Variants in RNF157 observed in about 807,000 individuals in gnomAD.
RNF157 encodes the protein E3 ubiquitin ligase RNF157.
Under a neutral mutation model 88.3 loss-of-function variants are expected in RNF157, and 55 were observed. That is an observed-to-expected ratio of 0.62 (90% confidence interval 0.50 to 0.78). The LOEUF (loss-of-function observed/expected upper bound fraction) is 0.78, where lower values mean the gene tolerates loss of function less well. Among genes scored for constraint, RNF157 ranks in the 30% least tolerant of loss-of-function variants. The pLI is 0.00. For missense variants in RNF157, 788 were observed against 860.8 expected (o/e 0.92, Z 1.06); for synonymous variants, 334 against 341.2 (o/e 0.98, Z 0.23).
chr17:76,145,931 T>C (rs2068578821), intron 18 of RNF157, among the ~76,000 whole-genome samples: 1 of 152,120 alleles, frequency 6.6e-6, no homozygotes, highest in South Asian at 2.1e-4. Context: ...CTCCTGCACC[T>C]ACGCAGCTGT....
intron 2 of RNF157, among the ~76,000 whole-genome samples, chr17:76,198,346 G>T (rs1287250413): frequency 6.6e-6 from 1 of 152,222 alleles, no homozygotes; most frequent in Non-Finnish European, 1.5e-5. Context: ...TGTGCTGGGG[G>T]AGGGGGGTTC....
At chr17:76,145,627 C>T (rs778052954) in intron 18 of RNF157, 9 of 384,800 alleles carry the variant, frequency 2.3e-5, no homozygotes, top group African/African-American at 1.4e-4. Context: ...CCTTGTTTTG[C>T]GAACTTACCC....
At chr17:76,159,643 T>G in intron 11 of RNF157, 70 bp from the exon 12 acceptor site, 1 of 1,099,872 alleles carries the variant, frequency 9.1e-7, no homozygotes, top group South Asian at 1.4e-5. Flanking sequence ...TCATGCTACT[T>G]CTCTACACTG....
intron 1 of RNF157, among the ~76,000 whole-genome samples, chr17:76,218,328 T>C (rs541980241): frequency 6.6e-6 from 1 of 152,246 alleles, no homozygotes; most frequent in Admixed American, 6.5e-5. Context: ...CCTGAGCTCA[T>C]CTGAGGAGTC....
rs1461348570 is a variant in RNF157, at chr17:76,173,716, T to C, written c.282A>G (p.Thr94=). 1 of 1,608,842 alleles carries C rather than the reference T, an allele frequency of 6.2e-7. No homozygotes were observed. The highest frequency in any genetic ancestry group is 1.1e-5 in the South Asian group (1 of 90,176). The change falls in exon 3 of 19, where the codon ACA becomes ACG. Residue 94 remains threonine (T), a synonymous_variant. Coordinates refer to ENST00000269391, the MANE Select transcript of RNF157 (RefSeq NM_052916.3). Reference sequence around the variant, plus strand: ...TGGGAACTTACTTGACGAGCCTCAGTGTGTCCTTTCGGATATTGACCAGGC... The same window carrying C: ...TGGGAACTTACTTGACGAGCCTCAGCGTGTCCTTTCGGATATTGACCAGGC... The part of the protein sequence containing the change: ...LRSLVNIRKD[T]LRLVKCAEEV...
chr17:76,224,160 T>C (rs146610644), intron 1 of RNF157, among the ~76,000 whole-genome samples: 9 of 152,318 alleles, frequency 5.9e-5, no homozygotes, highest in Middle Eastern at 3.4e-3. Context: ...ATTTGTTCCT[T>C]ATAATGTGAA....
intron 2 of RNF157, among the ~76,000 whole-genome samples, chr17:76,196,467 T>C (rs1051422743): frequency 6.6e-6 from 1 of 152,216 alleles, no homozygotes; most frequent in East Asian, 1.9e-4. Flanking sequence ...GAAAATCAAC[T>C]GTGCATGGAT....
Position 76,146,731 on chromosome 17 carries a change from C to T in RNF157, c.1922-1378G>A. ...GCTCCTCCATGGGACAAAGCTCCTC[C>T]TGGGCAGGGGCCGTGACTTCTTCAC... On this transcript the variant is annotated intron_variant, in intron 18 of 18. Coordinates refer to ENST00000269391, the MANE Select transcript of RNF157 (RefSeq NM_052916.3). The surrounding 1 kb of genome is among the most constrained non-coding windows in gnomAD (Gnocchi z 4.2). 5.1e-6 allele frequency: 5 copies of T among 985,464 alleles called. No individual in the cohort carries two copies. The highest frequency in any genetic ancestry group is 6.0e-6 in the Non-Finnish European group (5 of 829,912). The allele number at this position is 985,464 out of a possible 1,614,324, so 61.0% of individuals were successfully genotyped here. A position where few individuals can be genotyped will look rare whatever the true frequency, so the allele number is the denominator to read the frequency against.
intron 2 of RNF157, among the ~76,000 whole-genome samples, chr17:76,204,056 C>G (rs537189055): frequency 5.3e-5 from 8 of 152,094 alleles, no homozygotes; most frequent in Non-Finnish European, 5.9e-5. Context: ...CGTGAGCCAC[C>G]GCGCCCAGCC....
intron 2 of RNF157, among the ~76,000 whole-genome samples, chr17:76,201,988 C>T (rs761264909): frequency 2.0e-5 from 3 of 151,378 alleles, no homozygotes; most frequent in Non-Finnish European, 2.9e-5. Context: ...CCAAAGGGTA[C>T]GCACAGCTCA....
intron 2 of RNF157, among the ~76,000 whole-genome samples, chr17:76,190,676 T>C (rs1173044548): frequency 1.3e-5 from 2 of 151,278 alleles, no homozygotes; most frequent in African/African-American, 4.9e-5. Flanking sequence ...TCCCAGCACT[T>C]TGGGAGGCCG....
chr17:76,169,586 T>C (rs1598400662), intron 3 of RNF157, among the ~76,000 whole-genome samples: 1 of 150,902 alleles, frequency 6.6e-6, no homozygotes, highest in Non-Finnish European at 1.5e-5. Flanking sequence ...TAGGTTTTTT[T>C]TTTTTTTTTT....
rs530158032 is a variant in RNF157 at position 76,176,009 on chromosome 17, C to T, written c.208-2219G>A. 2.0e-5 allele frequency among the ~76,000 whole-genome samples: 3 copies of T among 152,296 alleles called. No individual in the cohort carries two copies. The highest frequency in any genetic ancestry group is 2.1e-4 in the South Asian group (1 of 4,824). On this transcript the variant is annotated intron_variant, in intron 2 of 18. Coordinates refer to ENST00000269391, the MANE Select transcript of RNF157 (RefSeq NM_052916.3). This position sits in a 1 kb window ranked among gnomAD's most constrained non-coding sequence, Gnocchi z 4.2. ...GGCTCTCCCTGTACACACACATACA[C>T]GCACAAGACAACAACGGCAAATCTG...
In RNF157 at chr17:76,152,400, C is replaced by G; in HGVS notation, c.1876G>C (p.Val626Leu). ...DNNNDFDIAS[V>L]KALDNKLCSE... Reference sequence around the variant, plus strand: ...CACAGCTTATTGTCCAGTGCTTTCACGCTTGCGATGTCAAAGTCATTGTTA... The same window carrying G: ...CACAGCTTATTGTCCAGTGCTTTCAGGCTTGCGATGTCAAAGTCATTGTTA... Residue 626 changes from valine (V) to leucine (L), a missense_variant, in exon 18 of 19, where the codon GTG becomes CTG. Transcript: ENST00000269391. 2 of 1,613,790 alleles carry G rather than the reference C, an allele frequency of 1.2e-6. No individual in the cohort carries two copies. Among genetic ancestry groups the G allele is most frequent in the Non-Finnish European group, 1.7e-6 (2 of 1,179,710 alleles).
chr17:76,225,043 G>C (rs1193173161), intron 1 of RNF157, among the ~76,000 whole-genome samples: 1 of 152,008 alleles, frequency 6.6e-6, no homozygotes, highest in East Asian at 1.9e-4. Flanking sequence ...ATGGTGGCGG[G>C]CATCTGTAAT....
intron 1 of RNF157, among the ~76,000 whole-genome samples, chr17:76,227,627 C>T (rs2070115497): frequency 6.6e-6 from 1 of 151,978 alleles, no homozygotes; most frequent in African/African-American, 2.4e-5. Context: ...CCTGTAATCC[C>T]AGCAGTTTGG....
intron 13 of RNF157, among the ~76,000 whole-genome samples, chr17:76,158,072 C>A (rs1322893144): frequency 6.6e-6 from 1 of 152,162 alleles, no homozygotes; most frequent in African/African-American, 2.4e-5. Flanking sequence ...ATCCACAGCA[C>A]CATCAGGCAC....
intron 15 of RNF157, 80 bp downstream of exon 15, chr17:76,155,482 T>C: frequency 6.4e-7 from 1 of 1,553,254 alleles, no homozygotes; most frequent in East Asian, 2.3e-5. Context: ...CAGCCATGCA[T>C]GGCAGACCTT....
chr17:76,195,340 G>GA lies in RNF157; in HGVS notation c.207+17023dup, dbSNP rs2069461138. Among the ~76,000 whole-genome samples, 1 of 152,082 alleles carries GA rather than the reference G, an allele frequency of 6.6e-6. No individual in the cohort carries two copies. Among genetic ancestry groups the GA allele is most frequent in the South Asian group, 2.1e-4 (1 of 4,836 alleles). On this transcript the variant is annotated intron_variant, in intron 2 of 18. Transcript: ENST00000269391. This position sits in a 1 kb window ranked among gnomAD's most constrained non-coding sequence, Gnocchi z 4.4. ...TCTCTCCAACTTCATTGGTTATCGG[G>GA]AAAATGAAAATAAATTCTACAAACC...
Sources: gnomAD v4.1 joint callset for allele counts (sites outside exome capture counted in the v4.1 genomes callset) on GRCh38, gnomAD v4.1.1 for gene constraint, Gnocchi (gnomAD v3.1) non-coding constraint, MANE v1.5 for transcripts, NCBI Gene and HGNC (gene_info 2026-07-23, HGNC 2026-07-21) for gene names.